Variants in ACOT1 observed in about 807,000 individuals in gnomAD.
ACOT1 encodes the protein acyl-coenzyme A thioesterase 1.
A neutral mutation model predicts 15.7 loss-of-function variants in ACOT1; 8 were observed. The ratio of observed to expected loss-of-function variants is 0.51; its 90% confidence interval spans 0.30 to 0.92. ACOT1 has a LOEUF of 0.92. ACOT1 is among the 40% of genes least tolerant of loss of function. The probability of loss-of-function intolerance (pLI) is 0.06; values close to 1 mark genes in which losing one functional copy is unlikely to be tolerated. For missense variants in ACOT1, 151 were observed against 539.4 expected (o/e 0.28, Z 7.13); for synonymous variants, 67 against 241.2 (o/e 0.28, Z 6.69).
chr14:73,505,211 C>T, the ACOT1 span, among the ~76,000 whole-genome samples: 10 of 152,120 alleles, frequency 6.6e-5, no homozygotes, highest in East Asian at 1.9e-4. Flanking sequence ...GCCACCGTAC[C>T]GGACCCCTTC....
At chr14:73,502,706 C>A in the ACOT1 span, among the ~76,000 whole-genome samples, 4 of 152,116 alleles carry the variant, frequency 2.6e-5, no homozygotes, top group Non-Finnish European at 5.9e-5. Context: ...TGCCACCACG[C>A]CTGGCTAATT....
At chr14:73,493,223 T>TTACCCAGTAC in the ACOT1 span, 3 of 974,740 alleles carry the variant, frequency 3.1e-6, no homozygotes, top group Non-Finnish European at 4.9e-6. Context: ...GGCTTCAGTG[T>TTACCCAGTAC]ACTGGGTAAC....
the ACOT1 span, among the ~76,000 whole-genome samples, chr14:73,494,811 A>G: frequency 6.6e-6 from 1 of 152,076 alleles, no homozygotes; most frequent in Non-Finnish European, 1.5e-5. Flanking sequence ...TCCTCCCACC[A>G]TGGCCTCCCA....
chr14:73,506,705 C>T, the ACOT1 span: 1 of 562,358 alleles, frequency 1.8e-6, no homozygotes, highest in South Asian at 2.5e-5. Flanking sequence ...GGCATGTTTC[C>T]ATCACAGCCA....
the ACOT1 span, chr14:73,520,866 T>C: frequency 1.9e-6 from 3 of 1,613,862 alleles, no homozygotes; most frequent in Admixed American, 5.0e-5. Flanking sequence ...GTAAATCTCC[T>C]GTTCAAAGGT....
At chr14:73,506,199 G>A in the ACOT1 span, among the ~76,000 whole-genome samples, 4 of 152,032 alleles carry the variant, frequency 2.6e-5, no homozygotes, top group Admixed American at 6.6e-5. Flanking sequence ...TACTATAAAC[G>A]TTTCTAAACT....
At chr14:73,502,016 AT>A in the ACOT1 span, among the ~76,000 whole-genome samples, 1 of 148,716 alleles carries the variant, frequency 6.7e-6, no homozygotes, top group African/African-American at 2.5e-5. Flanking sequence ...AAGTGCTGGG[AT>A]TACAGGAGTG....
chr14:73,514,017 CT>C, the ACOT1 span: 4 of 1,613,100 alleles, frequency 2.5e-6, no homozygotes, highest in Non-Finnish European at 3.4e-6. Flanking sequence ...ATCACAGGAC[CT>C]CCCTTCACTC....
chr14:73,531,505 C>G, the ACOT1 span, among the ~76,000 whole-genome samples: 152 of 104,934 alleles, frequency 1.4e-3, 44 homozygotes, highest in Middle Eastern at 9.8e-3. Context: ...ACTGCAACCT[C>G]TGCCTCCCAG....
the ACOT1 span, among the ~76,000 whole-genome samples, chr14:73,525,953 TAAA>T: frequency 6.4e-3 from 927 of 144,456 alleles, 19 homozygotes; most frequent in East Asian, 0.092. Flanking sequence ...ACTCCTTATT[TAAA>T]AAAAAAAAAA....
the ACOT1 span, chr14:73,521,098 T>C: frequency 7.0e-7 from 1 of 1,422,634 alleles, no homozygotes; most frequent in Non-Finnish European, 9.8e-7. Context: ...GATCCCCCTT[T>C]CCATTAAATC....
At chr14:73,532,512 C>G (rs370022734), upstream of ACOT1, among the ~76,000 whole-genome samples, 24 of 115,084 alleles carry the variant, frequency 2.1e-4, 8 homozygotes, top group East Asian at 1.4e-3. Context: ...GTTGACCCAG[C>G]TCATGCTATT....
chr14:73,491,494 G>T, the ACOT1 span: 11 of 1,506,900 alleles, frequency 7.3e-6, no homozygotes, highest in East Asian at 2.7e-4. Context: ...CGGCCGTCCA[G>T]TCGTCCGGGG....
At chr14:73,501,961 G>A in the ACOT1 span, among the ~76,000 whole-genome samples, 1 of 151,474 alleles carries the variant, frequency 6.6e-6, no homozygotes, top group African/African-American at 2.4e-5. Context: ...TAGTCAGGAT[G>A]GTCTCGATCT....
the ACOT1 span, chr14:73,493,162 A>G: frequency 6.4e-7 from 1 of 1,562,698 alleles, no homozygotes; most frequent in African/African-American, 1.4e-5. Context: ...GGAGGTGGAA[A>G]AAAAACCCTT....
the ACOT1 span, chr14:73,522,804 C>T: frequency 6.2e-7 from 1 of 1,614,208 alleles, no homozygotes; most frequent in South Asian, 1.1e-5. Context: ...TTGAAGCTAA[C>T]AGGTTTCTGA....
At chr14:73,496,695 G>C in the ACOT1 span, 8 of 1,377,792 alleles carry the variant, frequency 5.8e-6, no homozygotes, top group Non-Finnish European at 7.2e-6. Context: ...AGATAAGAAG[G>C]GCTTCTTAGA....
the ACOT1 span, chr14:73,498,400 A>C: frequency 1.4e-6 from 2 of 1,449,200 alleles, no homozygotes; most frequent in Non-Finnish European, 1.9e-6. Flanking sequence ...ATATTCTAGC[A>C]TCCAGAAATA....
chr14:73,524,310 A>AAAAAAAAAAAAT, the ACOT1 span, among the ~76,000 whole-genome samples: 2 of 54,780 alleles, frequency 3.7e-5, no homozygotes, highest in South Asian at 7.9e-4. Context: ...AAAAAAAAAA[A>AAAAAAAAAAAAT]ATATATATAT....
Sources: gnomAD v4.1 joint callset for allele counts (sites outside exome capture counted in the v4.1 genomes callset) on GRCh38, gnomAD v4.1.1 for gene constraint, MANE v1.5 for transcripts, NCBI Gene and HGNC (gene_info 2026-07-23, HGNC 2026-07-21) for gene names.